Variants in GSE1 observed in about 807,000 individuals in gnomAD.
The protein encoded by GSE1 is Gse1 coiled-coil protein.
In GSE1, 32 loss-of-function variants were observed where a neutral mutation model predicts 112.6. The observed-to-expected ratio is 0.28, with a 90% confidence interval of 0.21 to 0.38. The LOEUF is 0.38. Ranked by LOEUF, GSE1 falls within the 10% of genes least tolerant of loss-of-function variation. GSE1 has a pLI of 1.00. For missense variants in GSE1, 2,348 were observed against 1,699.2 expected, an observed-to-expected ratio of 1.38 and a Z score of -6.71; for synonymous variants, 1,115 against 735.6, an observed-to-expected ratio of 1.52 and a Z score of -8.35.
At chr16:85,417,611 C>T (rs1210400036) in intron 2 of GSE1, among the ~76,000 whole-genome samples, 2 of 152,208 alleles carry the variant, frequency 1.3e-5, no homozygotes, top group Non-Finnish European at 2.9e-5. Context: ...CCATGGGTGG[C>T]CCAGGCCGCT....
chr16:85,263,064 C>G (rs572089538), intron 1 of GSE1, among the ~76,000 whole-genome samples: 2 of 152,154 alleles, frequency 1.3e-5, no homozygotes, highest in Non-Finnish European at 2.9e-5. Flanking sequence ...GGGCCGGGCT[C>G]GCTTACAGCA....
intron 1 of GSE1, among the ~76,000 whole-genome samples, chr16:85,342,431 C>A (rs2046643615): frequency 1.3e-5 from 2 of 152,122 alleles, no homozygotes; most frequent in African/African-American, 4.8e-5. Flanking sequence ...AACTGACTGC[C>A]CTGGGTGAGG....
chr16:85,372,486 C>CAAAA (rs3030350), intron 2 of GSE1, among the ~76,000 whole-genome samples: 4 of 87,552 alleles, frequency 4.6e-5, no homozygotes, highest in Non-Finnish European at 8.9e-5. Flanking sequence ...CTCTGTCTCA[C>CAAAA]AAAAAAAAAA....
At chr16:85,240,402 G>A (rs569557783) in intron 1 of GSE1, among the ~76,000 whole-genome samples, 3 of 152,360 alleles carry the variant, frequency 2.0e-5, no homozygotes, top group South Asian at 4.1e-4. Flanking sequence ...CCACCAAGGG[G>A]GAGGGGGGTG....
At chr16:85,579,538 G>T (rs930630022) in intron 1 of GSE1, among the ~76,000 whole-genome samples, 21 of 152,316 alleles carry the variant, frequency 1.4e-4, no homozygotes, top group African/African-American at 4.8e-4. Context: ...GGGCAGGCAG[G>T]TCAGAGGGAC....
chr16:85,232,132 C>T (rs1030614899), intron 1 of GSE1, among the ~76,000 whole-genome samples: 2 of 152,228 alleles, frequency 1.3e-5, no homozygotes, highest in African/African-American at 4.8e-5. Context: ...CGTTGGCCTT[C>T]GATACATCCC....
intron 1 of GSE1, among the ~76,000 whole-genome samples, chr16:85,245,838 C>G (rs755654098): frequency 9.9e-5 from 15 of 152,012 alleles, no homozygotes; most frequent in Non-Finnish European, 2.1e-4. Flanking sequence ...CAACCCTGAA[C>G]TTTCCTGGTC....
At chr16:85,334,381 T>G (rs756023097) in intron 1 of GSE1, among the ~76,000 whole-genome samples, 3 of 152,206 alleles carry the variant, frequency 2.0e-5, no homozygotes, top group Non-Finnish European at 4.4e-5. Context: ...ATGGGGGAGC[T>G]GCGCTGGGGT....
At chr16:85,409,326 C>G (rs1250337734) in intron 2 of GSE1, among the ~76,000 whole-genome samples, 1 of 47,052 alleles carries the variant, frequency 2.1e-5, no homozygotes. Flanking sequence ...ATAATCCTCA[C>G]TGTTACACTC....
intron 1 of GSE1, among the ~76,000 whole-genome samples, chr16:85,302,388 A>C (rs1173081421): frequency 6.6e-6 from 1 of 151,982 alleles, no homozygotes; most frequent in South Asian, 2.1e-4. Flanking sequence ...GACCCTAATG[A>C]ATCTCTTGTC....
chr16:85,665,833 G>A lies in GSE1; in HGVS notation c.2759-143G>A, dbSNP rs116807362. The A allele has an allele frequency of 3.1e-3, 2,220 of 716,326 alleles. 36 individuals are homozygous for A. The African/African-American group carries it at 0.034, about 11-fold the overall frequency. The allele number at this position is 716,326 out of a possible 1,614,324, so 44.4% of individuals were successfully genotyped here. A position where few individuals can be genotyped will look rare whatever the true frequency, so the allele number is the denominator to read the frequency against. On this transcript the variant is annotated intron_variant, in intron 12 of 15. Coordinates refer to ENST00000253458, the MANE Select transcript of GSE1 (RefSeq NM_014615.5). ...TTCAGAGAATAGCCATGTGCGCGGC[G>A]GTTACTTAAATGTTCCCCGGGTCTT...
chr16:85,394,931 G>T (rs894122773), intron 2 of GSE1, among the ~76,000 whole-genome samples: 2 of 152,182 alleles, frequency 1.3e-5, no homozygotes, highest in Non-Finnish European at 2.9e-5. Context: ...GCTCAATGGG[G>T]CAGGCTAGAG....
chr16:85,266,122 G>A (rs989598876), intron 1 of GSE1, among the ~76,000 whole-genome samples: 4 of 152,154 alleles, frequency 2.6e-5, no homozygotes, highest in Admixed American at 1.3e-4. Flanking sequence ...TCCCCAGGGA[G>A]GTGGGGGAGC....
chr16:85,670,419 T>A (rs1413671489), intron 14 of GSE1, among the ~76,000 whole-genome samples: 1 of 152,230 alleles, frequency 6.6e-6, no homozygotes. Context: ...TTGTTGAATT[T>A]GTTAGTACTT....
intron 1 of GSE1, among the ~76,000 whole-genome samples, chr16:85,203,887 A>G (rs959188400): frequency 3.9e-5 from 6 of 152,084 alleles, no homozygotes; most frequent in African/African-American, 1.4e-4. Flanking sequence ...ACAGGTGTGC[A>G]CCACCATGAC....
At chr16:85,572,245 C>T (rs2046022303) in intron 1 of GSE1, among the ~76,000 whole-genome samples, 1 of 149,130 alleles carries the variant, frequency 6.7e-6, no homozygotes, top group Admixed American at 6.7e-5. Context: ...CAAAACACAC[C>T]ACACCACACA....
At chr16:85,220,410 AC>A (rs1161087817) in intron 1 of GSE1, among the ~76,000 whole-genome samples, 3 of 151,940 alleles carry the variant, frequency 2.0e-5, no homozygotes, top group African/African-American at 4.8e-5. Context: ...AAACTCGATC[AC>A]CCCCGGCTCA....
intron 1 of GSE1, among the ~76,000 whole-genome samples, chr16:85,616,777 G>T (rs2048397302): frequency 6.6e-6 from 1 of 152,032 alleles, no homozygotes; most frequent in East Asian, 1.9e-4. Flanking sequence ...CCGCATGCTG[G>T]CCTTTCTCCC....
At chr16:85,630,668 G>T (rs780398575) in intron 1 of GSE1, among the ~76,000 whole-genome samples, 1 of 152,164 alleles carries the variant, frequency 6.6e-6, no homozygotes, top group Non-Finnish European at 1.5e-5. Context: ...TGTGGTGCGC[G>T]CACATGTGAC....
Sources: gnomAD v4.1 joint callset for allele counts (sites outside exome capture counted in the v4.1 genomes callset) on GRCh38, gnomAD v4.1.1 for gene constraint, MANE v1.5 for transcripts, NCBI Gene and HGNC (gene_info 2026-07-23, HGNC 2026-07-21) for gene names.